SRMS: variants seen among roughly 807,000 people sequenced by gnomAD.
SRMS encodes tyrosine-protein kinase Srms.
SRMS carries 42 observed loss-of-function variants against 43.5 expected under a neutral mutation model. That is an observed-to-expected ratio of 0.97 (90% CI 0.75 to 1.25). SRMS has a LOEUF of 1.25. SRMS is among the 50% of genes most tolerant of loss of function. The pLI is 0.00. For synonymous variants in SRMS, 316 were observed against 308.2 expected, an observed-to-expected ratio of 1.03 and a Z score of -0.27; for missense variants, 703 against 681.0, an observed-to-expected ratio of 1.03 and a Z score of -0.36.
chr20:63,544,407 C>G (rs1184740114), intron 1 of SRMS, 59 bp from the exon 2 acceptor site: 2 of 1,414,930 alleles, frequency 1.4e-6, no homozygotes, highest in Non-Finnish European at 1.8e-6. Context: ...GCCCCACATG[C>G]TCTCCTCCGT....
chr20:63,541,151 G>A (rs775604316), intron 7 of SRMS, 40 bp downstream of exon 7: 1 of 1,548,890 alleles, frequency 6.5e-7, no homozygotes, highest in African/African-American at 1.4e-5. Flanking sequence ...TGACTCCTGG[G>A]CAGAGCCTGC....
Position 63,542,182 on chromosome 20 carries a change from G to C in SRMS, c.927C>G (p.Asn309Lys), listed in dbSNP as rs1298061277. The change falls in exon 5 of 8, where the codon AAC (asparagine) becomes AAG (lysine). Residue 309 changes from asparagine to lysine, a missense_variant. Coordinates refer to ENST00000217188, the MANE Select transcript of SRMS (RefSeq NM_080823.4). Reference protein sequence around the residue: ...YIVTELMRKGNLQAFLGTPEG... With the variant: ...YIVTELMRKGKLQAFLGTPEG... ...ACTCACTGCCCAGGAAGGCCTGCAG[G>C]TTCCCCTTGCGCATGAGTTCCGTGA... is the stretch of plus-strand genomic sequence containing the variant. The C allele has an allele frequency of 4.3e-6, 7 of 1,610,310 alleles. No individual in the cohort carries two copies. In the Admixed American group the frequency reaches 6.7e-5, roughly 15 times the overall value.
chr20:63,547,065 C>G (rs758967761), intron 1 of SRMS, 43 bp downstream of exon 1: 6 of 1,484,344 alleles, frequency 4.0e-6, no homozygotes, highest in Non-Finnish European at 5.4e-6. Context: ...GACTCCCCAG[C>G]TGGGGGCGAG....
intron 3 of SRMS, 71 bp from the exon 4 acceptor site, chr20:63,542,652 C>A: frequency 6.7e-7 from 1 of 1,500,516 alleles, no homozygotes; most frequent in Non-Finnish European, 8.9e-7. Context: ...CAGCCCCCCA[C>A]ACCAGGCCTC....
chr20:63,544,715 G>C (rs973370678), intron 1 of SRMS, among the ~76,000 whole-genome samples: 1 of 152,262 alleles, frequency 6.6e-6, no homozygotes, highest in African/African-American at 2.4e-5. Context: ...CAGACATGGA[G>C]CTGACGGCCT....
chr20:63,543,487 A>G lies in SRMS; in HGVS notation c.479-7T>C, dbSNP rs1175415636. On this transcript the variant is annotated splice_polypyrimidine_tract_variant and splice_region_variant and intron_variant, in intron 2 of 7. Coordinates refer to ENST00000217188, the MANE Select transcript of SRMS (RefSeq NM_080823.4). ...ACCTTGGCCTGGGCCCGGACTAGGA[A>G]GGGTTCAGAGATGGAGACCCCTGCC... 1 of 1,612,228 alleles carries G rather than the reference A, an allele frequency of 6.2e-7. No individual in the cohort carries two copies. The highest frequency in any genetic ancestry group is 8.5e-7 in the Non-Finnish European group (1 of 1,179,692).
chr20:63,541,274 C>T lies in SRMS; in HGVS notation c.1202G>A (p.Arg401His), dbSNP rs139360881. The T allele has an allele frequency of 1.0e-5, 16 of 1,568,060 alleles. No individual in the cohort carries two copies. The highest frequency in any genetic ancestry group is 1.7e-4 in the Middle Eastern group (1 of 5,836). The change falls in exon 7 of 8, where the codon CGT becomes CAT. Residue 401 changes from arginine (R) to histidine (H), a missense_variant. Arg to His is a conservative substitution (Grantham distance 29, BLOSUM62 0). Coordinates refer to ENST00000217188, the MANE Select transcript of SRMS (RefSeq NM_080823.4). ...GACGTCTGACTTCTGGGAGAAGACACGATAATTGGCCGCCTCAGGCGCTGT... is the reference window on the plus strand; with the variant it reads ...GACGTCTGACTTCTGGGAGAAGACATGATAATTGGCCGCCTCAGGCGCTGT... The part of the protein sequence containing the change: ...KWTAPEAANY[R>H]VFSQKSDVWS...
rs145898877 is a variant in SRMS at position 63,542,532 on chromosome 20, A to G, written c.695T>C (p.Leu232Pro). The part of the protein sequence containing the change: ...VWERPHSEFA[L>P]GRKLGEGYFG... ...GTAGCCTTCACCCAGCTTCCTCCCA[A>G]GGGCGAATTCGGAGTGTGGCCGCTC... is the stretch of plus-strand genomic sequence containing the variant. Residue 232 changes from leucine (L) to proline (P), a missense_variant, in exon 4 of 8, where the codon CTT becomes CCT. Physicochemically the swap from Leu to Pro is moderately conservative, Grantham distance 98 (BLOSUM62 -3). Coordinates refer to ENST00000217188, the MANE Select transcript of SRMS (RefSeq NM_080823.4). The G allele has an allele frequency of 6.3e-7, 1 of 1,592,944 alleles. No individual in the cohort carries two copies. Among genetic ancestry groups the G allele is most frequent in the Non-Finnish European group, 8.6e-7 (1 of 1,167,296 alleles).
chr20:63,544,606 T>C (rs920642149), intron 1 of SRMS, among the ~76,000 whole-genome samples: 1 of 152,224 alleles, frequency 6.6e-6, no homozygotes, highest in African/African-American at 2.4e-5. Context: ...TGACCTCCAG[T>C]TCCCTGTTCA....
Position 63,542,282 on chromosome 20 carries a change from G to T in SRMS, c.827C>A (p.Thr276Lys). ...KLTDLAKEIQ[T>K]LKGLRHERLI... The stretch of plus-strand genomic sequence containing the variant: ...CCGCTCGTGCCGCAGGCCCTTCAGT[G>T]TCTGGATCTCCTTGGCGAGGTCAGT... Residue 276 changes from threonine to lysine, a missense_variant, in exon 5 of 8, where the codon ACA becomes AAA. Coordinates refer to ENST00000217188, the MANE Select transcript of SRMS (RefSeq NM_080823.4). 1 of 1,612,374 alleles carries T rather than the reference G, an allele frequency of 6.2e-7. No individual in the cohort carries two copies. The highest frequency in any genetic ancestry group is 1.7e-5 in the Admixed American group (1 of 60,002).
chr20:63,543,854 G>A (rs1298247015), intron 2 of SRMS: 6 of 359,398 alleles, frequency 1.7e-5, no homozygotes, highest in Non-Finnish European at 3.0e-5. Flanking sequence ...ACAAATCAGT[G>A]AATAAATGAG....
rs748657908 is a variant in SRMS at position 63,541,322 on chromosome 20, C to T, written c.1154G>A (p.Ser385Asn). The T allele has an allele frequency of 6.5e-7, 1 of 1,543,112 alleles. No individual in the cohort carries two copies. The highest frequency in any genetic ancestry group is 8.7e-7 in the Non-Finnish European group (1 of 1,146,812). ...LKDDIYSPSS[S>N]SKIPVKWTAP... Reference sequence around the variant, plus strand: ...TGTCCACTTGACCGGGATCTTGGAGCTGCTGCTCGGGGAGTAGATGTCGTC... The same window carrying T: ...TGTCCACTTGACCGGGATCTTGGAGTTGCTGCTCGGGGAGTAGATGTCGTC... Residue 385 changes from serine to asparagine, a missense_variant, in exon 7 of 8, where the codon AGC becomes AAC. Ser to Asn is a conservative substitution (Grantham distance 46). Transcript: ENST00000217188.
intron 5 of SRMS, 88 bp from the exon 6 acceptor site, chr20:63,541,708 C>T: frequency 7.2e-7 from 1 of 1,385,060 alleles, no homozygotes; most frequent in South Asian, 1.5e-5. Context: ...CCCCATGCCT[C>T]AGCCTCCTCA....
chr20:63,545,832 G>T (rs1271342568), intron 1 of SRMS, among the ~76,000 whole-genome samples: 4 of 152,094 alleles, frequency 2.6e-5, no homozygotes. Flanking sequence ...CACGTGTAAA[G>T]GGACTCAGGT....
At position 63,539,000 on chromosome 20, in the gene SRMS, T is replaced by G. The variant is rs2082688305; in HGVS notation, c.*1818A>C. Among the ~76,000 whole-genome samples, 1 of 152,076 alleles carries G rather than the reference T, an allele frequency of 6.6e-6. No individual in the cohort carries two copies. The highest frequency in any genetic ancestry group is 1.5e-5 in the Non-Finnish European group (1 of 67,988). ...ACACACCTGGTCCCCTTAATCCCAG[T>G]GGCGGCTGCAGAGAGCACAGAGGGC... On this transcript the variant is annotated 3_prime_UTR_variant, in exon 8 of 8. Coordinates refer to ENST00000217188, the MANE Select transcript of SRMS (RefSeq NM_080823.4).
At position 63,540,889 on chromosome 20, in the gene SRMS, T is replaced by C. The variant is rs755679879; in HGVS notation, c.1396A>G (p.Ser466Gly). The change falls in exon 8 of 8, where the codon AGC becomes GGC. Residue 466 changes from serine to glycine, a missense_variant. By Grantham distance (56) the Ser-to-Gly change is moderately conservative. Coordinates refer to ENST00000217188, the MANE Select transcript of SRMS (RefSeq NM_080823.4). ...GCGAAGGAGGGCCGTTCCTCGGGGC[T>C]GCTCCTCCAGCACTCCAGCATGAGC... ...YVLMLECWRS[S>G]PEERPSFATL... 1 of 1,606,334 alleles carries C rather than the reference T, an allele frequency of 6.2e-7. No homozygotes were observed. The highest frequency in any genetic ancestry group is 8.5e-7 in the Non-Finnish European group (1 of 1,179,522).
In SRMS at chr20:63,541,663, G is replaced by A. The variant is rs573725037; in HGVS notation, c.947-43C>T. 4.9e-5 allele frequency: 71 copies of A among 1,457,898 alleles called. No individual in the cohort carries two copies. In the South Asian group the frequency reaches 5.9e-4, roughly 12 times the overall value. The allele number at this position is 1,457,898 out of a possible 1,614,324, so 90.3% of individuals were successfully genotyped here. A position where few individuals can be genotyped will look rare whatever the true frequency, so the allele number is the denominator to read the frequency against. On this transcript the variant is annotated intron_variant, in intron 5 of 7. Transcript: ENST00000217188. ...GGGTCTTTTAGGGCACGGGGCCAAC[G>A]GCCGGTGAGGCCAGCGTCCACCCAC...
intron 5 of SRMS, 116 bp from the exon 6 acceptor site, chr20:63,541,736 G>A: frequency 7.8e-7 from 1 of 1,287,412 alleles, no homozygotes; most frequent in South Asian, 1.6e-5. Flanking sequence ...GACGTGGCGA[G>A]GATGGCATGG....
At position 63,547,338 on chromosome 20, in the gene SRMS, G is replaced by A. The variant is rs2082738839; in HGVS notation, c.126C>T (p.Pro42=). 6.3e-7 allele frequency: 1 copy of A among 1,590,726 alleles called. No individual in the cohort carries two copies. ...GSLDPNTDPV[P]TLPAEPCSPF... ...GGCTGCAAGGCTCGGCGGGGAGCGT[G>A]GGCACTGGGTCAGTGTTGGGGTCCA... is the stretch of plus-strand genomic sequence containing the variant. The change falls in exon 1 of 8, where the codon CCC becomes CCT. Residue 42 remains proline (P), a synonymous_variant. Coordinates refer to ENST00000217188, the MANE Select transcript of SRMS (RefSeq NM_080823.4).
Sources: gnomAD v4.1 joint callset for allele counts (sites outside exome capture counted in the v4.1 genomes callset) on GRCh38, gnomAD v4.1.1 for gene constraint, MANE v1.5 for transcripts, NCBI Gene and HGNC (gene_info 2026-07-23, HGNC 2026-07-21) for gene names.